Variants in NLRP11 observed in about 807,000 individuals in gnomAD.
NLRP11 encodes the protein NACHT, LRR and PYD domains-containing protein 11.
In NLRP11, 53 loss-of-function variants were observed where a neutral mutation model predicts 79.3. The ratio of observed to expected loss-of-function variants is 0.67; its 90% confidence interval spans 0.54 to 0.84. The LOEUF is 0.84. Among genes scored for constraint, NLRP11 ranks in the 40% least tolerant of loss-of-function variants. The pLI is 0.00. For synonymous variants in NLRP11, 518 were observed against 462.6 expected, an observed-to-expected ratio of 1.12 and a Z score of -1.54; for missense variants, 1,264 against 1,255.0, an observed-to-expected ratio of 1.01 and a Z score of -0.11.
intron 4 of NLRP11, among the ~76,000 whole-genome samples, chr19:55,803,399 T>A (rs1979672053): frequency 6.6e-6 from 1 of 152,066 alleles, no homozygotes; most frequent in South Asian, 2.1e-4. Context: ...GACATAGGAA[T>A]GGGCAAAGAT....
At chr19:55,819,449 T>C (rs1314867126) in intron 1 of NLRP11, among the ~76,000 whole-genome samples, 1 of 152,156 alleles carries the variant, frequency 6.6e-6, no homozygotes, top group East Asian at 1.9e-4. Flanking sequence ...CTGGTATCAT[T>C]ACACTCCGTC....
intron 1 of NLRP11, among the ~76,000 whole-genome samples, chr19:55,822,449 C>T (rs1217821691): frequency 6.6e-6 from 1 of 152,150 alleles, no homozygotes; most frequent in Non-Finnish European, 1.5e-5. Context: ...TCTACAGCTC[C>T]CAGCGTGAGC....
chr19:55,786,520 A>G (rs1049573285), intron 9 of NLRP11, among the ~76,000 whole-genome samples: 6 of 148,526 alleles, frequency 4.0e-5, no homozygotes, highest in Non-Finnish European at 5.9e-5. Context: ...GACCCTAACT[A>G]GAAAAAAAAA....
At chr19:55,785,473 A>C in exon 10 of NLRP11, 1 of 671,562 alleles carries the variant, frequency 1.5e-6, no homozygotes, top group South Asian at 2.0e-5. Flanking sequence ...AGGAATTTGA[A>C]GTGGTTGACT....
chr19:55,822,420 C>G (rs112978523), intron 1 of NLRP11, among the ~76,000 whole-genome samples: 42 of 152,240 alleles, frequency 2.8e-4, no homozygotes, highest in Non-Finnish European at 3.4e-4. Context: ...CCAAGATGGC[C>G]GAATAGGAAC....
At chr19:55,803,889 C>T (rs1031186475) in intron 4 of NLRP11, among the ~76,000 whole-genome samples, 2 of 152,168 alleles carry the variant, frequency 1.3e-5, no homozygotes, top group Non-Finnish European at 2.9e-5. Flanking sequence ...TGAAACCAGT[C>T]TGGCCAACAT....
At position 55,809,208 on chromosome 19, in the gene NLRP11, T is replaced by C. The variant is rs548284543; in HGVS notation, c.1402A>G (p.Asn468Asp). The C allele has an allele frequency of 1.5e-5, 24 of 1,613,728 alleles. No individual in the cohort carries two copies. Among genetic ancestry groups the C allele is most frequent in the African/African-American group, 2.7e-5 (2 of 75,034 alleles). The change falls in exon 3 of 10, where the codon AAC (asparagine) becomes GAC (aspartate). Residue 468 changes from asparagine (N) to aspartate (D), a missense_variant. By Grantham distance (23) the Asn-to-Asp change is conservative (BLOSUM62 1). Transcript: ENST00000589093. The surrounding 1 kb of genome is among the most constrained non-coding windows in gnomAD (Gnocchi z 4.5). ...CTGCTGCCTGAGGGGATCAGATAGT[T>C]GGGTACTGCCATCAGAAATGCAATG... is the stretch of plus-strand genomic sequence containing the variant.
At chr19:55,821,942 T>A (rs1314040095) in intron 1 of NLRP11, among the ~76,000 whole-genome samples, 2 of 152,244 alleles carry the variant, frequency 1.3e-5, no homozygotes, top group Non-Finnish European at 2.9e-5. Flanking sequence ...GTCAGTTCTT[T>A]TCGTGCTCAT....
chr19:55,785,493 T>TCACACACACACACACA lies in NLRP11; in HGVS notation c.*116_*131dup, dbSNP rs878891245. The TCACACACACACACACA allele has an allele frequency of 2.4e-5, 10 of 424,534 alleles. No homozygotes were observed. The Middle Eastern group carries it at 2.9e-3, about 123-fold the overall frequency. 26.3% of individuals were successfully genotyped at this position (424,534 alleles called of 1,614,324 possible). A position where few individuals can be genotyped will look rare whatever the true frequency, so the allele number is the denominator to read the frequency against. On this transcript the variant is annotated 3_prime_UTR_variant, in exon 10 of 10. Transcript: ENST00000589093. ...TTTGAAGTGGTTGACTGGATCAAGG[T>TCACACACACACACACA]CACACACACACACACACACACACAC...
intron 4 of NLRP11, among the ~76,000 whole-genome samples, 167 bp downstream of exon 4, chr19:55,807,686 T>C (rs1328261853): frequency 6.6e-6 from 1 of 152,190 alleles, no homozygotes; most frequent in Non-Finnish European, 1.5e-5. Flanking sequence ...CCTAAGGTCA[T>C]CTTTATCATA....
intron 5 of NLRP11, among the ~76,000 whole-genome samples, chr19:55,797,127 T>A (rs1057219660): frequency 6.6e-6 from 1 of 152,036 alleles, no homozygotes; most frequent in African/African-American, 2.4e-5. Flanking sequence ...CCCTATTTTT[T>A]AAAAAAAGTT....
intron 4 of NLRP11, among the ~76,000 whole-genome samples, chr19:55,805,921 C>T (rs1979945040): frequency 6.6e-6 from 1 of 152,196 alleles, no homozygotes; most frequent in Non-Finnish European, 1.5e-5. Context: ...TCTTGGCCAA[C>T]AATGACTTCT....
chr19:55,831,124 C>T, intron 1 of NLRP11, among the ~76,000 whole-genome samples: 1 of 130,788 alleles, frequency 7.6e-6, no homozygotes, highest in South Asian at 3.2e-4. Context: ...CCCCACCCCC[C>T]CGCCCACAAC....
intron 5 of NLRP11, among the ~76,000 whole-genome samples, chr19:55,800,554 G>A (rs539876272): frequency 2.0e-5 from 3 of 152,100 alleles, no homozygotes; most frequent in Non-Finnish European, 2.9e-5. Flanking sequence ...GACCTCAAGT[G>A]ATCCACATCC....
At chr19:55,822,098 A>G (rs543326150) in intron 1 of NLRP11, among the ~76,000 whole-genome samples, 1 of 152,186 alleles carries the variant, frequency 6.6e-6, no homozygotes, top group Non-Finnish European at 1.5e-5. Flanking sequence ...ATCTCTACTA[A>G]AAATACAAAA....
intron 4 of NLRP11, among the ~76,000 whole-genome samples, chr19:55,805,917 C>A (rs989977905): frequency 2.0e-5 from 3 of 152,184 alleles, no homozygotes; most frequent in African/African-American, 7.2e-5. Flanking sequence ...CTGTTCTTGG[C>A]CAACAATGAC....
At chr19:55,791,724 T>C (rs1461448600) in intron 7 of NLRP11, among the ~76,000 whole-genome samples, 3 of 152,206 alleles carry the variant, frequency 2.0e-5, no homozygotes, top group Non-Finnish European at 4.4e-5. Flanking sequence ...TACGAGAAGT[T>C]TGATTATTCA....
At chr19:55,816,423 C>T (rs1246059842) in intron 2 of NLRP11, among the ~76,000 whole-genome samples, 1 of 152,198 alleles carries the variant, frequency 6.6e-6, no homozygotes, top group Admixed American at 6.5e-5. Context: ...ACAATTACAG[C>T]TGTAGACTTC....
chr19:55,835,990 G>A (rs1983230723), upstream of NLRP11, among the ~76,000 whole-genome samples: 1 of 152,228 alleles, frequency 6.6e-6, no homozygotes, highest in African/African-American at 2.4e-5. Flanking sequence ...CGGGCATGGT[G>A]GTGTGCATCT....
Sources: gnomAD v4.1 joint callset for allele counts (sites outside exome capture counted in the v4.1 genomes callset) on GRCh38, gnomAD v4.1.1 for gene constraint, Gnocchi (gnomAD v3.1) non-coding constraint, MANE v1.5 for transcripts, NCBI Gene and HGNC (gene_info 2026-07-23, HGNC 2026-07-21) for gene names.